Variants in C8orf34 observed in about 807,000 individuals in gnomAD.
C8orf34 encodes the protein uncharacterized protein C8orf34.
C8orf34 carries 65 observed loss-of-function variants against 68.3 expected under a neutral mutation model. The ratio of observed to expected loss-of-function variants is 0.95; its 90% CI spans 0.78 to 1.17. C8orf34 has a LOEUF of 1.17. Among genes scored for constraint, C8orf34 ranks in the 50% most tolerant of loss-of-function variants. The pLI is 0.00. For synonymous variants in C8orf34, 244 were observed against 241.2 expected (o/e 1.01, Z -0.11); for missense variants, 664 against 655.4 (o/e 1.01, Z -0.14).
chr8:68,750,162 C>G (rs1480961603), intron 10 of C8orf34, among the ~76,000 whole-genome samples: 2 of 152,084 alleles, frequency 1.3e-5, no homozygotes, highest in African/African-American at 4.8e-5. Context: ...GAGGAAAAAC[C>G]TTTACAAAAC....
chr8:68,506,157 T>C (rs1415896330), intron 5 of C8orf34, among the ~76,000 whole-genome samples: 2 of 152,084 alleles, frequency 1.3e-5, no homozygotes, highest in Non-Finnish European at 2.9e-5. Flanking sequence ...CACACTCAGA[T>C]ACAAAATTAG....
At chr8:68,717,856 A>T (rs1211338100) in intron 9 of C8orf34, among the ~76,000 whole-genome samples, 1 of 152,198 alleles carries the variant, frequency 6.6e-6, no homozygotes, top group Non-Finnish European at 1.5e-5. Flanking sequence ...CAAATCTATT[A>T]TAATGGTGAT....
chr8:68,743,804 G>A (rs901542872), intron 10 of C8orf34, among the ~76,000 whole-genome samples: 2 of 152,312 alleles, frequency 1.3e-5, no homozygotes, highest in African/African-American at 4.8e-5. Flanking sequence ...GCAAGGCTGG[G>A]GGAGGGGCGC....
At position 68,481,412 on chromosome 8, in the gene C8orf34, C is replaced by A. The variant is rs556018170; in HGVS notation, c.737-6611C>A. ...TCAGAGCCCCCACACTGAGTCCCTA[C>A]TGGGGCACCACCTAGTGGAGCTGTG... On this transcript the variant is annotated intron_variant, in intron 4 of 13. Coordinates refer to ENST00000518698, the MANE Select transcript of C8orf34 (RefSeq NM_052958.4). 1.2e-4 allele frequency among the ~76,000 whole-genome samples: 19 copies of A among 152,348 alleles called. No homozygotes were observed. In the East Asian group the frequency reaches 3.7e-3, roughly 29 times the overall value.
chr8:68,751,344 C>G (rs1279362847), intron 10 of C8orf34, among the ~76,000 whole-genome samples: 1 of 152,146 alleles, frequency 6.6e-6, no homozygotes, highest in Non-Finnish European at 1.5e-5. Flanking sequence ...AGAACCTTGT[C>G]TTAATATTGA....
chr8:68,616,861 T>C (rs1266111004), intron 7 of C8orf34, among the ~76,000 whole-genome samples: 1 of 152,180 alleles, frequency 6.6e-6, no homozygotes, highest in African/African-American at 2.4e-5. Flanking sequence ...CTTTGTCTCA[T>C]TGATCTGTCT....
intron 1 of C8orf34, among the ~76,000 whole-genome samples, chr8:68,415,190 G>A (rs963077408): frequency 6.6e-6 from 1 of 152,042 alleles, no homozygotes; most frequent in Admixed American, 6.6e-5. Context: ...AGATAAAAGT[G>A]TATGGAGAGG....
chr8:68,479,800 A>G (rs1394168941), intron 4 of C8orf34, among the ~76,000 whole-genome samples: 1 of 152,182 alleles, frequency 6.6e-6, no homozygotes, highest in Non-Finnish European at 1.5e-5. Context: ...ACCATTTGAA[A>G]CTATTCTTGG....
chr8:68,623,316 G>A (rs1818441238), intron 7 of C8orf34, among the ~76,000 whole-genome samples: 2 of 152,104 alleles, frequency 1.3e-5, no homozygotes, highest in Admixed American at 1.3e-4. Context: ...AATCAGCAGT[G>A]GTTCTCAACC....
At chr8:68,405,394 C>T (rs1809150624) in intron 1 of C8orf34, among the ~76,000 whole-genome samples, 3 of 152,126 alleles carry the variant, frequency 2.0e-5, no homozygotes, top group Admixed American at 1.3e-4. Flanking sequence ...GTTACCCAGC[C>T]AGATCTCCCT....
At chr8:68,796,081 A>G (rs762521413) in intron 12 of C8orf34, among the ~76,000 whole-genome samples, 3 of 152,192 alleles carry the variant, frequency 2.0e-5, no homozygotes, top group Non-Finnish European at 4.4e-5. Context: ...CCTGGTTCAC[A>G]GCCACTGTCA....
intron 1 of C8orf34, among the ~76,000 whole-genome samples, chr8:68,377,728 C>G (rs1162993710): frequency 6.6e-6 from 1 of 151,958 alleles, no homozygotes; most frequent in Non-Finnish European, 1.5e-5. Context: ...TGTGAGTATG[C>G]TAAAGCAGTT....
At chr8:68,586,813 A>G (rs991193131) in intron 7 of C8orf34, among the ~76,000 whole-genome samples, 1 of 152,154 alleles carries the variant, frequency 6.6e-6, no homozygotes, top group African/African-American at 2.4e-5. Context: ...AAATAGGAAC[A>G]TGCCACCTAG....
chr8:68,336,193 T>A (rs1410997991), intron 1 of C8orf34, among the ~76,000 whole-genome samples: 3 of 152,088 alleles, frequency 2.0e-5, no homozygotes, highest in Non-Finnish European at 4.4e-5. Context: ...TCCTCCCTTT[T>A]TTTTTTCATA....
chr8:68,789,897 G>T (rs73270258), intron 12 of C8orf34, among the ~76,000 whole-genome samples: 1 of 152,044 alleles, frequency 6.6e-6, no homozygotes, highest in East Asian at 1.9e-4. Flanking sequence ...ATCACTCTAA[G>T]AAAGTCCATT....
chr8:68,721,640 G>A (rs1203150546), intron 10 of C8orf34, among the ~76,000 whole-genome samples: 1 of 151,872 alleles, frequency 6.6e-6, no homozygotes, highest in Non-Finnish European at 1.5e-5. Context: ...GCTTGTGCAT[G>A]TGAGCATGCT....
intron 10 of C8orf34, among the ~76,000 whole-genome samples, chr8:68,752,572 A>G (rs1033905184): frequency 2.7e-4 from 41 of 152,222 alleles, no homozygotes; most frequent in African/African-American, 9.6e-4. Context: ...AACTTTTACC[A>G]TGTCCCACTG....
At chr8:68,618,896 T>A (rs985778451) in intron 7 of C8orf34, among the ~76,000 whole-genome samples, 18 of 152,160 alleles carry the variant, frequency 1.2e-4, no homozygotes, top group African/African-American at 4.3e-4. Flanking sequence ...TTTTAATATA[T>A]AGTTAAAGAT....
At chr8:68,449,525 G>C (rs1309829636) in intron 3 of C8orf34, among the ~76,000 whole-genome samples, 1 of 151,962 alleles carries the variant, frequency 6.6e-6, no homozygotes, top group East Asian at 1.9e-4. Flanking sequence ...GAGATATTGT[G>C]GGTTCAGTTC....
Sources: gnomAD v4.1 joint callset for allele counts (sites outside exome capture counted in the v4.1 genomes callset) on GRCh38, gnomAD v4.1.1 for gene constraint, MANE v1.5 for transcripts, NCBI Gene and HGNC (gene_info 2026-07-23, HGNC 2026-07-21) for gene names.